GRAMD1B: variants seen among roughly 807,000 people sequenced by gnomAD.
GRAMD1B encodes GRAM domain containing 1B.
In GRAMD1B, 37 loss-of-function variants were observed where a neutral mutation model predicts 99.7. The ratio of observed to expected loss-of-function variants is 0.37; its 90% confidence interval spans 0.29 to 0.49. The LOEUF is 0.49. Ranked by LOEUF, GRAMD1B falls within the 20% of genes least tolerant of loss-of-function variation. The probability of loss-of-function intolerance (pLI) is 0.98; values close to 1 mark genes in which losing one functional copy is unlikely to be tolerated. For synonymous variants in GRAMD1B, 427 were observed against 387.6 expected, an observed-to-expected ratio of 1.10 and a Z score of -1.19; for missense variants, 888 against 1,009.2, an observed-to-expected ratio of 0.88 and a Z score of 1.63.
At chr11:123,557,319 G>A (rs377690584) in intron 2 of GRAMD1B, among the ~76,000 whole-genome samples, 12 of 152,142 alleles carry the variant, frequency 7.9e-5, no homozygotes, top group African/African-American at 2.7e-4. Context: ...TCCCTGATTC[G>A]CTTGTTTTGT....
intron 19 of GRAMD1B, among the ~76,000 whole-genome samples, chr11:123,619,817 T>G (rs936408033): frequency 6.6e-6 from 1 of 152,200 alleles, no homozygotes; most frequent in Non-Finnish European, 1.5e-5. Context: ...AGCTTCCTGC[T>G]TCCCCAGAAT....
At chr11:123,543,116 G>T (rs1365432663) in intron 2 of GRAMD1B, among the ~76,000 whole-genome samples, 1 of 151,746 alleles carries the variant, frequency 6.6e-6, no homozygotes, top group Non-Finnish European at 1.5e-5. Flanking sequence ...TTGTCATTTT[G>T]CAGTGCTCGA....
chr11:123,546,668 T>G (rs891765223), intron 2 of GRAMD1B, among the ~76,000 whole-genome samples: 11 of 152,142 alleles, frequency 7.2e-5, no homozygotes, highest in Admixed American at 5.2e-4. Flanking sequence ...TAGCAGACAA[T>G]GGTATTTTAC....
chr11:123,394,010 G>A (rs1320280308), intron 1 of GRAMD1B, among the ~76,000 whole-genome samples: 1 of 152,026 alleles, frequency 6.6e-6, no homozygotes, highest in Non-Finnish European at 1.5e-5. Flanking sequence ...ACTCTGAAAA[G>A]GTCATCCTTA....
At chr11:123,600,790 G>T (rs1462625533) in intron 8 of GRAMD1B, among the ~76,000 whole-genome samples, 1 of 152,158 alleles carries the variant, frequency 6.6e-6, no homozygotes, top group South Asian at 2.1e-4. Flanking sequence ...TCTCTAATCA[G>T]TTATGGTAAT....
At position 123,377,271 on chromosome 11, in the gene GRAMD1B, C is replaced by A. The variant is rs537883774; in HGVS notation, c.-176+18472C>A. 4.6e-5 allele frequency among the ~76,000 whole-genome samples: 7 copies of A among 152,258 alleles called. No homozygotes were observed. In the South Asian group the frequency reaches 1.0e-3, roughly 23 times the overall value. ...CTGAGATGGTAGCTGGCATAAAAAT[C>A]CAAAGATAAATGCTTAAAAACATCA... On this transcript the variant is annotated intron_variant, in intron 1 of 20. Coordinates refer to the GRAMD1B transcript ENST00000638157.
chr11:123,500,395 C>T (rs531880671), intron 2 of GRAMD1B, among the ~76,000 whole-genome samples: 6 of 152,282 alleles, frequency 3.9e-5, no homozygotes, highest in African/African-American at 1.2e-4. Context: ...AGGTCCAGTG[C>T]GCTACACTCT....
intron 1 of GRAMD1B, among the ~76,000 whole-genome samples, chr11:123,376,153 G>GA (rs146910031): frequency 0.096 from 14,415 of 150,236 alleles, 877 homozygotes; most frequent in Non-Finnish European, 0.14. Flanking sequence ...TTCTAAACTT[G>GA]AAAAAAAAAT....
In GRAMD1B at chr11:123,594,110, A is replaced by G. The variant is rs570959026; in HGVS notation, c.713A>G (p.Asn238Ser). 1 of 1,613,510 alleles carries G rather than the reference A, an allele frequency of 6.2e-7. No individual in the cohort carries two copies. The highest frequency in any genetic ancestry group is 2.2e-5 in the East Asian group (1 of 44,878). ...NVLSPTYKQR[N>S]EDFRKLFKQL... The stretch of plus-strand genomic sequence containing the variant: ...TTAAGCCCCACCTACAAGCAGAGAA[A>G]TGAAGACTTCAGAAAGCTCTTTAAG... The change falls in exon 5 of 20, where the codon AAT (asparagine) becomes AGT (serine). Residue 238 changes from asparagine (N) to serine (S), a missense_variant. Asn to Ser is a conservative substitution (Grantham distance 46). Around this residue, in one of 5 missense-constraint regions of GRAMD1B, gnomAD observed 62 missense variants for 139.4 expected, o/e 0.44. Coordinates refer to ENST00000635736, the MANE Select transcript of GRAMD1B (RefSeq NM_001387025.1).
chr11:123,589,614 T>TTTTATATATATATATATATATATATATA (rs762751523), intron 4 of GRAMD1B, among the ~76,000 whole-genome samples: 3 of 128,262 alleles, frequency 2.3e-5, no homozygotes, highest in African/African-American at 1.1e-4. Flanking sequence ...TGGCTAATTT[T>TTTTATATATATATATATATATATATATA]TATATATATA....
At chr11:123,493,258 GTACT>G (rs1238444846) in intron 2 of GRAMD1B, among the ~76,000 whole-genome samples, 1 of 152,120 alleles carries the variant, frequency 6.6e-6, no homozygotes, top group Non-Finnish European at 1.5e-5. Flanking sequence ...GAAGATAATT[GTACT>G]TACTTTATGG....
intron 1 of GRAMD1B, among the ~76,000 whole-genome samples, chr11:123,404,452 T>A (rs1450961159): frequency 6.6e-6 from 1 of 152,256 alleles, no homozygotes; most frequent in East Asian, 1.9e-4. Context: ...TAGAATAAAT[T>A]AGTTTCTGAA....
Position 123,358,532 on chromosome 11 carries a change from G to T in GRAMD1B, c.-443G>T, listed in dbSNP as rs545951266. 5 of 152,250 alleles carry T rather than the reference G, an allele frequency of 3.3e-5. No individual in the cohort carries two copies. In the East Asian group the frequency reaches 9.7e-4, roughly 30 times the overall value. The allele number at this position is 152,250 out of a possible 1,614,324, so 9.4% of individuals were successfully genotyped here. On this transcript the variant is annotated 5_prime_UTR_variant, in exon 1 of 21. Coordinates refer to the GRAMD1B transcript ENST00000638157. ...CCGCCCCGCCTGGGCGCAGCCGGCC[G>T]TCCCGGCTCCGAGGGTGCAGCGCGC... is the stretch of plus-strand genomic sequence containing the variant.
intron 9 of GRAMD1B, among the ~76,000 whole-genome samples, chr11:123,603,818 G>A: frequency 6.6e-6 from 1 of 152,170 alleles, no homozygotes; most frequent in Non-Finnish European, 1.5e-5. Flanking sequence ...GGATCACTCT[G>A]GTCTTTGCAC....
At chr11:123,367,617 G>A (rs1268745119) in intron 1 of GRAMD1B, among the ~76,000 whole-genome samples, 4 of 152,184 alleles carry the variant, frequency 2.6e-5, no homozygotes, top group East Asian at 1.9e-4. Context: ...CAATGAGGCC[G>A]GCGTGATGAG....
Position 123,624,568 on chromosome 11 carries a change from T to C in GRAMD1B, c.*1973T>C, listed in dbSNP as rs1955386667. On this transcript the variant is annotated 3_prime_UTR_variant, in exon 20 of 20. Transcript: ENST00000635736. ...AGCCCAGTGGGTCCTTGTTCAGTTC[T>C]TGTCCAGGCCTTTGGGTGAGGGACA... The C allele has an allele frequency of 6.6e-6, 1 of 152,186 alleles. No homozygotes were observed. The highest frequency in any genetic ancestry group is 1.5e-5 in the Non-Finnish European group (1 of 68,054). The allele number at this position is 152,186 out of a possible 1,614,324, so 9.4% of individuals were successfully genotyped here.
chr11:123,477,927 A>G (rs1232339166), intron 1 of GRAMD1B, among the ~76,000 whole-genome samples: 2 of 151,660 alleles, frequency 1.3e-5, no homozygotes, highest in African/African-American at 2.4e-5. Flanking sequence ...GGCGCTTGCC[A>G]CCAAGACTGG....
At chr11:123,480,322 G>A (rs1951523423) in intron 1 of GRAMD1B, among the ~76,000 whole-genome samples, 3 of 152,074 alleles carry the variant, frequency 2.0e-5, no homozygotes, top group Admixed American at 1.3e-4. Context: ...TACTGGAGAA[G>A]CAGACTAGGT....
intron 8 of GRAMD1B, among the ~76,000 whole-genome samples, chr11:123,602,255 C>T (rs2136755219): frequency 6.6e-6 from 1 of 152,224 alleles, no homozygotes; most frequent in African/African-American, 2.4e-5. Context: ...CTGCCAGCTG[C>T]CTGCTTCTTA....
Sources: gnomAD v4.1 joint callset for allele counts (sites outside exome capture counted in the v4.1 genomes callset) on GRCh38, gnomAD v4.1.1 for gene constraint, gnomAD v4.1.1 regional missense constraint, MANE v1.5 for transcripts, NCBI Gene and HGNC (gene_info 2026-07-23, HGNC 2026-07-21) for gene names.